The following GABBR2 variants were observed in gnomAD, a reference collection of about 807,000 sequenced individuals.
GABBR2 encodes the protein gamma-aminobutyric acid type B receptor subunit 2.
Under a neutral mutation model 105.6 loss-of-function variants are expected in GABBR2, and 23 were observed. The observed-to-expected ratio is 0.22, with a 90% CI of 0.16 to 0.31. GABBR2 has a LOEUF of 0.31. GABBR2 is among the 10% of genes least tolerant of loss of function. GABBR2 has a pLI of 1.00. For synonymous variants in GABBR2, 478 were observed against 499.7 expected, an observed-to-expected ratio of 0.96 and a Z score of 0.58; for missense variants, 734 against 1,245.5, an observed-to-expected ratio of 0.59 and a Z score of 6.18.
intron 3 of GABBR2, among the ~76,000 whole-genome samples, chr9:98,501,742 C>T (rs1041648823): frequency 6.6e-6 from 1 of 152,170 alleles, no homozygotes; most frequent in Non-Finnish European, 1.5e-5. Flanking sequence ...TCCCACGCAG[C>T]TTTGGGAAGC....
intron 12 of GABBR2, among the ~76,000 whole-genome samples, chr9:98,364,675 C>A (rs1418866925): frequency 1.4e-5 from 2 of 148,054 alleles, no homozygotes; most frequent in Non-Finnish European, 3.0e-5. Flanking sequence ...AGGCTCACTG[C>A]AGCCTCCACT....
At chr9:98,315,800 A>G (rs561669512) in intron 13 of GABBR2, among the ~76,000 whole-genome samples, 1 of 152,312 alleles carries the variant, frequency 6.6e-6, no homozygotes. Context: ...ACTACTATAG[A>G]TCGGTGGGGC....
chr9:98,583,318 G>A (rs1829028596), intron 1 of GABBR2, among the ~76,000 whole-genome samples: 1 of 152,210 alleles, frequency 6.6e-6, no homozygotes, highest in Admixed American at 6.5e-5. Flanking sequence ...CTCACCAAAG[G>A]TGAATTTTGG....
chr9:98,472,755 A>T (rs1183299695), intron 6 of GABBR2, among the ~76,000 whole-genome samples: 1 of 152,122 alleles, frequency 6.6e-6, no homozygotes, highest in African/African-American at 2.4e-5. Flanking sequence ...CCCAAAGTCT[A>T]CTTAAGGCGT....
chr9:98,586,839 A>G (rs1829084619), intron 1 of GABBR2, among the ~76,000 whole-genome samples: 1 of 152,152 alleles, frequency 6.6e-6, no homozygotes, highest in African/African-American at 2.4e-5. Context: ...TTGTTTGTTC[A>G]TTCCTCTGCC....
Position 98,591,175 on chromosome 9 carries a change from C to T in GABBR2, c.322-13103G>A, listed in dbSNP as rs77841914. Reference sequence around the variant, plus strand: ...TTCTGCCAAGACTTCTTGGAGGAGGCGGCATTTGAGCTGAGCCTTGCGAGA... The same window carrying T: ...TTCTGCCAAGACTTCTTGGAGGAGGTGGCATTTGAGCTGAGCCTTGCGAGA... On this transcript the variant is annotated intron_variant, in intron 1 of 18. Coordinates refer to ENST00000259455, the MANE Select transcript of GABBR2 (RefSeq NM_005458.8). 3.2e-3 allele frequency among the ~76,000 whole-genome samples: 490 copies of T among 152,226 alleles called. 3 individuals are homozygous for T. Among genetic ancestry groups the T allele is most frequent in the African/African-American group, 0.011 (452 of 41,524 alleles).
intron 13 of GABBR2, among the ~76,000 whole-genome samples, chr9:98,341,438 G>GA: frequency 6.6e-6 from 1 of 152,322 alleles, no homozygotes; most frequent in East Asian, 1.9e-4. Context: ...CTCCCAGAGG[G>GA]CTCAAGACAG....
At position 98,288,491 on chromosome 9, in the gene GABBR2, A is replaced by ACTT. The variant is rs1207949972; in HGVS notation, c.*2090_*2092dup. On this transcript the variant is annotated 3_prime_UTR_variant, in exon 19 of 19. Transcript: ENST00000259455. ...ACAGGCTCACCTCCGACAGTCCAAT[A>ACTT]CTTTTGTTTGTTTTCCTGCTATGCT... The ACTT allele has an allele frequency of 6.6e-6, 1 of 152,508 alleles. No individual in the cohort carries two copies. Among genetic ancestry groups the ACTT allele is most frequent in the Non-Finnish European group, 1.5e-5 (1 of 68,022 alleles). 9.4% of individuals were successfully genotyped at this position (152,508 alleles called of 1,614,324 possible).
chr9:98,569,193 A>C (rs1298491048), intron 2 of GABBR2, among the ~76,000 whole-genome samples: 1 of 152,064 alleles, frequency 6.6e-6, no homozygotes, highest in African/African-American at 2.4e-5. Flanking sequence ...TGCTACTTCC[A>C]AATGGTTTCC....
rs143664381 is a variant in GABBR2 at position 98,624,946 on chromosome 9, T to A, written c.322-46874A>T. Among the ~76,000 whole-genome samples the A allele has an allele frequency of 4.3e-4, 65 of 152,274 alleles. 1 individual carries two copies. The East Asian group carries it at 0.012, about 28-fold the overall frequency. On this transcript the variant is annotated intron_variant, in intron 1 of 18. Transcript: ENST00000259455. ...GGATCAGCCTGTTGCTCCACAGGGC[T>A]TCCTGTAGTGCAGAACCTCCCCTCC...
chr9:98,606,472 CTTT>C (rs988764294), intron 1 of GABBR2, among the ~76,000 whole-genome samples: 1 of 128,568 alleles, frequency 7.8e-6, no homozygotes. Context: ...TGTCTATTAT[CTTT>C]TTTTTTTCTT....
chr9:98,555,134 A>G (rs529166028), intron 2 of GABBR2, among the ~76,000 whole-genome samples: 6 of 152,250 alleles, frequency 3.9e-5, no homozygotes, highest in Non-Finnish European at 8.8e-5. Context: ...TCTAGACTTA[A>G]AAGTTACAAG....
At chr9:98,636,416 A>G (rs1829876790) in intron 1 of GABBR2, among the ~76,000 whole-genome samples, 1 of 151,480 alleles carries the variant, frequency 6.6e-6, no homozygotes, top group South Asian at 2.1e-4. Flanking sequence ...GCCCTTGGAG[A>G]CAGGTCATTT....
intron 3 of GABBR2, among the ~76,000 whole-genome samples, chr9:98,506,933 G>A (rs1827525281): frequency 6.6e-6 from 1 of 152,118 alleles, no homozygotes; most frequent in Admixed American, 6.5e-5. Flanking sequence ...GGGAGGGCAG[G>A]GAGGCTGTAG....
intron 11 of GABBR2, among the ~76,000 whole-genome samples, chr9:98,379,252 C>T (rs770663325): frequency 5.9e-5 from 9 of 152,138 alleles, no homozygotes; most frequent in African/African-American, 9.7e-5. Flanking sequence ...CAGCATCAAC[C>T]GGTTTTCCCA....
At chr9:98,532,344 C>G (rs1415113478) in intron 3 of GABBR2, among the ~76,000 whole-genome samples, 1 of 152,198 alleles carries the variant, frequency 6.6e-6, no homozygotes, top group African/African-American at 2.4e-5. Flanking sequence ...AGGATGCTTG[C>G]TTGGGCAGGC....
At chr9:98,345,764 A>G (rs1831293060) in intron 13 of GABBR2, among the ~76,000 whole-genome samples, 1 of 152,260 alleles carries the variant, frequency 6.6e-6, no homozygotes, top group Admixed American at 6.5e-5. Context: ...GTTTCAGGAT[A>G]TTAGGCTAAT....
rs1829948886 is a variant in GABBR2, at chr9:98,640,730, TGGA to T, written c.322-62661_322-62659del. Among the ~76,000 whole-genome samples the T allele has an allele frequency of 5.3e-5, 8 of 152,268 alleles. No homozygotes were observed. The South Asian group carries it at 1.7e-3, about 32-fold the overall frequency. ...GGGTAAGGCATCTTGGAGGACTTCA[TGGA>T]GGAGGTTCCTTCTGAGCAGTGTGGG... On this transcript the variant is annotated intron_variant, in intron 1 of 18. Transcript: ENST00000259455.
chr9:98,641,927 G>T (rs1829968319), intron 1 of GABBR2, among the ~76,000 whole-genome samples: 1 of 152,188 alleles, frequency 6.6e-6, no homozygotes, highest in African/African-American at 2.4e-5. Context: ...CGATGGGCTA[G>T]GGGGACCCCA....
Sources: allele counts gnomAD v4.1 joint callset (sites outside exome capture counted in the v4.1 genomes callset), GRCh38; gene constraint gnomAD v4.1.1; transcripts MANE v1.5; gene names NCBI Gene and HGNC (gene_info 2026-07-23, HGNC 2026-07-21).